The following LDB2 variants were observed in gnomAD, a reference collection of about 807,000 sequenced individuals.
LDB2 encodes LIM domain-binding protein 2.
LDB2 carries 12 observed loss-of-function variants against 44.3 expected under a neutral mutation model. That is an observed-to-expected ratio of 0.27 (90% confidence interval 0.17 to 0.44). The LOEUF is 0.44. Ranked by LOEUF, LDB2 falls within the 20% of genes least tolerant of loss-of-function variation. The pLI, the probability that LDB2 is intolerant of heterozygous loss-of-function variation, is 1.00. For synonymous variants in LDB2, 164 were observed against 174.8 expected, an observed-to-expected ratio of 0.94 and a Z score of 0.49; for missense variants, 344 against 473.5, an observed-to-expected ratio of 0.73 and a Z score of 2.54.
intron 2 of LDB2, among the ~76,000 whole-genome samples, chr4:16,667,488 T>A (rs767181818): frequency 6.6e-6 from 1 of 152,190 alleles, no homozygotes; most frequent in Non-Finnish European, 1.5e-5. Flanking sequence ...GATCTCCTGA[T>A]TCTCCATTTG....
intron 2 of LDB2, among the ~76,000 whole-genome samples, chr4:16,667,470 A>G (rs1326852753): frequency 1.3e-5 from 2 of 152,204 alleles, no homozygotes; most frequent in Non-Finnish European, 2.9e-5. Flanking sequence ...AGTTTCTACC[A>G]GACCTGGGAT....
intron 2 of LDB2, among the ~76,000 whole-genome samples, chr4:16,642,187 A>G (rs1460292255): frequency 6.6e-6 from 1 of 152,218 alleles, no homozygotes; most frequent in Non-Finnish European, 1.5e-5. Flanking sequence ...AGGGAAATTC[A>G]TAGCAGTCCT....
At chr4:16,863,751 C>T (rs1355109410) in intron 1 of LDB2, among the ~76,000 whole-genome samples, 1 of 151,012 alleles carries the variant, frequency 6.6e-6, no homozygotes, top group Non-Finnish European at 1.5e-5. Context: ...AGCTCTGCCT[C>T]CCGGGTTCAC....
intron 2 of LDB2, among the ~76,000 whole-genome samples, chr4:16,690,920 G>A (rs140655413): frequency 6.8e-4 from 103 of 152,226 alleles, no homozygotes; most frequent in African/African-American, 2.5e-3. Flanking sequence ...CAGATAGACC[G>A]TTTCCCCTAT....
chr4:16,699,321 G>A (rs1282436537), intron 2 of LDB2, among the ~76,000 whole-genome samples: 1 of 152,154 alleles, frequency 6.6e-6, no homozygotes, highest in Non-Finnish European at 1.5e-5. Flanking sequence ...TCCAACCAAC[G>A]CTATGTGATA....
At chr4:16,632,536 G>A (rs1057145769) in intron 2 of LDB2, among the ~76,000 whole-genome samples, 6 of 152,118 alleles carry the variant, frequency 3.9e-5, no homozygotes, top group African/African-American at 4.8e-5. Flanking sequence ...CGAGGATGTC[G>A]TCTCTCACCA....
rs141557609 is a variant in LDB2, at chr4:16,505,535, G to A, written c.892-2662C>T. Among the ~76,000 whole-genome samples the A allele has an allele frequency of 5.1e-3, 779 of 152,194 alleles. 7 individuals carry two copies. The highest frequency in any genetic ancestry group is 0.018 in the African/African-American group (748 of 41,512). ...TTATCTGCTCTGGCAGTCTTGATTT[G>A]TTATTCTCACACAAAATAAATAAAG... On this transcript the variant is annotated intron_variant, in intron 7 of 7. Transcript: ENST00000304523.
At chr4:16,722,893 C>G (rs1758597188) in intron 2 of LDB2, among the ~76,000 whole-genome samples, 1 of 152,172 alleles carries the variant, frequency 6.6e-6, no homozygotes, top group African/African-American at 2.4e-5. Flanking sequence ...GATTTTTTGA[C>G]TTTACAATGG....
At chr4:16,739,747 TAC>T (rs1762856270) in intron 2 of LDB2, among the ~76,000 whole-genome samples, 2 of 131,396 alleles carry the variant, frequency 1.5e-5, no homozygotes, top group Admixed American at 8.0e-5. Context: ...TACATACATA[TAC>T]ATATATATAT....
intron 1 of LDB2, among the ~76,000 whole-genome samples, chr4:16,874,360 T>C (rs1160968376): frequency 6.6e-6 from 1 of 152,178 alleles, no homozygotes; most frequent in African/African-American, 2.4e-5. Flanking sequence ...AATTCTAAGA[T>C]GCACATTTTT....
At chr4:16,840,322 C>T (rs1383268431) in intron 1 of LDB2, among the ~76,000 whole-genome samples, 1 of 152,094 alleles carries the variant, frequency 6.6e-6, no homozygotes, top group Non-Finnish European at 1.5e-5. Context: ...TATGCATGTG[C>T]TACTATCACA....
At chr4:16,618,249 G>A (rs545234970) in intron 2 of LDB2, among the ~76,000 whole-genome samples, 5 of 152,258 alleles carry the variant, frequency 3.3e-5, no homozygotes, top group Admixed American at 6.5e-5. Context: ...TAAGCCTAGC[G>A]TCTGACACTT....
intron 1 of LDB2, among the ~76,000 whole-genome samples, chr4:16,830,918 G>A (rs1561376351): frequency 6.6e-6 from 1 of 152,154 alleles, no homozygotes; most frequent in African/African-American, 2.4e-5. Context: ...GGCTCCTGAT[G>A]GTTCCAGCAG....
intron 1 of LDB2, among the ~76,000 whole-genome samples, chr4:16,839,154 A>T (rs1785409624): frequency 6.6e-6 from 1 of 152,126 alleles, no homozygotes; most frequent in South Asian, 2.1e-4. Flanking sequence ...CAAGCATAGT[A>T]GTTCATTTAG....
intron 1 of LDB2, among the ~76,000 whole-genome samples, chr4:16,783,855 TAA>T (rs1458682958): frequency 6.6e-6 from 1 of 152,250 alleles, no homozygotes; most frequent in African/African-American, 2.4e-5. Flanking sequence ...TTTGCCTTTT[TAA>T]AAAAGTTTTT....
intron 2 of LDB2, among the ~76,000 whole-genome samples, chr4:16,755,469 TA>T (rs1163554762): frequency 8.2e-6 from 1 of 122,472 alleles, no homozygotes; most frequent in Non-Finnish European, 1.7e-5. Flanking sequence ...GATGTAGGAA[TA>T]GGGTGTGTGT....
At chr4:16,829,104 A>T (rs1274584010) in intron 1 of LDB2, among the ~76,000 whole-genome samples, 3 of 152,166 alleles carry the variant, frequency 2.0e-5, no homozygotes, top group African/African-American at 4.8e-5. Flanking sequence ...TTCCTTACTC[A>T]TGCTAAGCAG....
chr4:16,527,260 G>A (rs887359639), intron 5 of LDB2, among the ~76,000 whole-genome samples: 1 of 152,106 alleles, frequency 6.6e-6, no homozygotes, highest in African/African-American at 2.4e-5. Flanking sequence ...GAAACTTCTA[G>A]GAGGGAAGTG....
intron 2 of LDB2, among the ~76,000 whole-genome samples, chr4:16,644,419 AT>A (rs985589067): frequency 3.4e-5 from 5 of 147,694 alleles, no homozygotes; most frequent in East Asian, 4.0e-4. Flanking sequence ...ACATGAACCA[AT>A]TTTTTTTTCT....
Sources: allele counts gnomAD v4.1 joint callset (sites outside exome capture counted in the v4.1 genomes callset), GRCh38; gene constraint gnomAD v4.1.1; transcripts MANE v1.5; gene names NCBI Gene and HGNC (gene_info 2026-07-23, HGNC 2026-07-21).